Variants in MTA3 observed in about 807,000 individuals in gnomAD.
MTA3 encodes the protein metastasis associated 1 family member 3.
A neutral mutation model predicts 83.5 loss-of-function variants in MTA3; 34 were observed. That is an observed-to-expected ratio of 0.41 (90% CI 0.31 to 0.54). MTA3 has a LOEUF of 0.54. Ranked by LOEUF, MTA3 falls within the 20% of genes least tolerant of loss-of-function variation. MTA3 has a pLI of 0.33. For missense variants in MTA3, 761 were observed against 726.4 expected (o/e 1.05, Z -0.55); for synonymous variants, 303 against 252.7 (o/e 1.20, Z -1.89).
chr2:42,650,449 GTT>G (rs930788559), intron 6 of MTA3, among the ~76,000 whole-genome samples: 2 of 151,130 alleles, frequency 1.3e-5, no homozygotes, highest in Non-Finnish European at 3.0e-5. Flanking sequence ...TGTTTTTTTG[GTT>G]TTTTTTGAGA....
chr2:42,590,724 A>G (rs576814814), intron 3 of MTA3, among the ~76,000 whole-genome samples: 1 of 148,260 alleles, frequency 6.7e-6, no homozygotes, highest in Non-Finnish European at 1.5e-5. Context: ...GAGTTGAAGC[A>G]CTTCTCCCAC....
At chr2:42,687,735 T>G (rs1280488354) in intron 9 of MTA3, among the ~76,000 whole-genome samples, 1 of 152,182 alleles carries the variant, frequency 6.6e-6, no homozygotes, top group Non-Finnish European at 1.5e-5. Context: ...GAAATTCTAG[T>G]GCAGGATTTG....
chr2:42,624,192 G>A (rs1316131799), intron 4 of MTA3, among the ~76,000 whole-genome samples: 1 of 151,694 alleles, frequency 6.6e-6, no homozygotes, highest in East Asian at 1.9e-4. Flanking sequence ...TTTAGTATTT[G>A]ATTTTATTTT....
rs907608227 is a variant in MTA3 at position 42,524,034 on chromosome 2, T to A, written c.-141+28780T>A. On this transcript the variant is annotated intron_variant, in intron 2 of 17. Coordinates refer to the MTA3 transcript ENST00000405592. Reference sequence around the variant, plus strand: ...AACCCTCTCTCCCCAACAACTAATATGATTGCCTCTCCAGAAACAGAGACA... The same window carrying A: ...AACCCTCTCTCCCCAACAACTAATAAGATTGCCTCTCCAGAAACAGAGACA... 3.3e-5 allele frequency among the ~76,000 whole-genome samples: 5 copies of A among 152,144 alleles called. No individual in the cohort carries two copies. In the South Asian group the frequency reaches 1.0e-3, roughly 32 times the overall value.
intron 2 of MTA3, among the ~76,000 whole-genome samples, chr2:42,503,051 G>A (rs1292569970): frequency 6.6e-6 from 1 of 152,072 alleles, no homozygotes; most frequent in Non-Finnish European, 1.5e-5. Context: ...TCTCACACAA[G>A]AAAGAATTGG....
intron 4 of MTA3, among the ~76,000 whole-genome samples, chr2:42,617,238 C>T (rs940637253): frequency 6.6e-6 from 1 of 152,146 alleles, no homozygotes; most frequent in African/African-American, 2.4e-5. Context: ...CCAGAAAGAT[C>T]AGTCAAATTG....
upstream of MTA3, among the ~76,000 whole-genome samples, chr2:42,565,420 G>T (rs1389733080): frequency 6.7e-6 from 1 of 148,992 alleles, no homozygotes; most frequent in Non-Finnish European, 1.5e-5. Context: ...CTCCTGCCTT[G>T]GCCTCCCAAA....
At chr2:42,668,020 C>G (rs1228989255) in intron 8 of MTA3, among the ~76,000 whole-genome samples, 5 of 152,128 alleles carry the variant, frequency 3.3e-5, no homozygotes, top group African/African-American at 1.2e-4. Context: ...CTTAACCTAC[C>G]TTTGTCTGAG....
chr2:42,593,052 C>A (rs559445669), intron 3 of MTA3, among the ~76,000 whole-genome samples: 6 of 152,064 alleles, frequency 3.9e-5, no homozygotes, highest in African/African-American at 1.4e-4. Context: ...ACTTGGGAGA[C>A]TGAGGCAGGA....
At chr2:42,729,859 T>C (rs373646151) in intron 16 of MTA3, among the ~76,000 whole-genome samples, 8 of 152,256 alleles carry the variant, frequency 5.3e-5, no homozygotes, top group African/African-American at 1.9e-4. Flanking sequence ...AGGCATTGCA[T>C]TGAATCCATA....
At chr2:42,586,142 C>T (rs1680251950) in intron 3 of MTA3, among the ~76,000 whole-genome samples, 1 of 151,774 alleles carries the variant, frequency 6.6e-6, no homozygotes, top group African/African-American at 2.4e-5. Context: ...CTGGGCATGG[C>T]AGCACATGCC....
intron 16 of MTA3, among the ~76,000 whole-genome samples, chr2:42,747,924 C>T (rs1034595470): frequency 6.6e-6 from 1 of 152,038 alleles, no homozygotes; most frequent in South Asian, 2.1e-4. Flanking sequence ...TTTTCTTGCA[C>T]CCCATTATAA....
chr2:42,743,247 A>G (rs1202966194), intron 16 of MTA3, among the ~76,000 whole-genome samples: 3 of 152,232 alleles, frequency 2.0e-5, no homozygotes, highest in African/African-American at 7.2e-5. Flanking sequence ...TTCAGTCTGC[A>G]GATCTTCCAT....
intron 2 of MTA3, among the ~76,000 whole-genome samples, chr2:42,516,999 C>A (rs1325244890): frequency 6.6e-6 from 1 of 152,206 alleles, no homozygotes; most frequent in Non-Finnish European, 1.5e-5. Context: ...GTGGCTCACG[C>A]CTGTAAACCC....
intron 2 of MTA3, among the ~76,000 whole-genome samples, chr2:42,540,718 C>T (rs1025460544): frequency 6.6e-6 from 1 of 151,352 alleles, no homozygotes; most frequent in East Asian, 2.0e-4. Context: ...GCCTGTAGTC[C>T]TACCTACTTG....
chr2:42,664,466 C>CTTTTTT lies in MTA3; in HGVS notation c.702+4627_702+4632dup, dbSNP rs35633597. Among the ~76,000 whole-genome samples the CTTTTTT allele has an allele frequency of 4.3e-4, 37 of 85,756 alleles. 18 individuals are homozygous for CTTTTTT. The highest frequency in any genetic ancestry group is 8.6e-4 in the African/African-American group (18 of 21,050). The allele number at this position is 85,756 out of a possible 152,430, so 56.3% of individuals were successfully genotyped here. On this transcript the variant is annotated intron_variant, in intron 8 of 16. Transcript: ENST00000405094. ...CCTACTACCCCCTCACCCCGCTTAC[C>CTTTTTT]TTTTTTTTTTTTTTTTTTTTTTTTT...
upstream of MTA3, among the ~76,000 whole-genome samples, chr2:42,563,655 A>G (rs1047405796): frequency 3.3e-5 from 5 of 151,470 alleles, no homozygotes; most frequent in African/African-American, 1.2e-4. Flanking sequence ...TTTAGTGGAT[A>G]TGGGATTTCG....
chr2:42,534,944 C>A (rs1676152993), intron 2 of MTA3, among the ~76,000 whole-genome samples: 1 of 151,912 alleles, frequency 6.6e-6, no homozygotes, highest in Non-Finnish European at 1.5e-5. Flanking sequence ...TTTCTAACAG[C>A]CTTCTTGGAC....
intron 2 of MTA3, among the ~76,000 whole-genome samples, chr2:42,500,265 G>T (rs771588301): frequency 6.6e-6 from 1 of 152,136 alleles, no homozygotes; most frequent in Non-Finnish European, 1.5e-5. Flanking sequence ...TGGACGTGGT[G>T]GTGGGCGCCT....
Sources: allele counts gnomAD v4.1 joint callset (sites outside exome capture counted in the v4.1 genomes callset), GRCh38; gene constraint gnomAD v4.1.1; transcripts MANE v1.5; gene names NCBI Gene and HGNC (gene_info 2026-07-23, HGNC 2026-07-21).